Variants in GNAS-AS1 observed in about 807,000 individuals in gnomAD.
The protein encoded by GNAS-AS1 is GNAS antisense RNA 1 (non-protein coding).
chr20:58,837,971 A>T (rs2085618006), intron 4 of GNAS-AS1, among the ~76,000 whole-genome samples: 1 of 152,210 alleles, frequency 6.6e-6, no homozygotes, highest in African/African-American at 2.4e-5. Context: ...TTCAGACACC[A>T]GGCAGAAGTA....
exon 1 of GNAS-AS1, chr20:58,850,618 C>T: frequency 2.5e-6 from 1 of 399,150 alleles, no homozygotes. Context: ...TCCTTGGGGT[C>T]CTGGCCCTCT....
At chr20:58,844,605 A>G (rs2085870964) in intron 2 of GNAS-AS1, among the ~76,000 whole-genome samples, 1 of 152,106 alleles carries the variant, frequency 6.6e-6, no homozygotes, top group Non-Finnish European at 1.5e-5. Context: ...AGATGATCCT[A>G]TTTATCCCTT....
intron 4 of GNAS-AS1, chr20:58,825,987 C>A (rs923222584): frequency 5.0e-6 from 2 of 398,274 alleles, no homozygotes; most frequent in Non-Finnish European, 8.9e-6. Flanking sequence ...TCTGAGAGTG[C>A]GCCATTCTCT....
At chr20:58,837,295 G>C (rs963949483) in intron 4 of GNAS-AS1, among the ~76,000 whole-genome samples, 2 of 152,106 alleles carry the variant, frequency 1.3e-5, no homozygotes. Context: ...CTCTGGAAAC[G>C]TGCCCCATTA....
chr20:58,842,179 G>A (rs1157780880), exon 4 of GNAS-AS1: 15 of 398,536 alleles, frequency 3.8e-5, no homozygotes, highest in African/African-American at 1.4e-4. Context: ...ATCTGGTAAC[G>A]CACCTTCGGA....
intron 4 of GNAS-AS1, among the ~76,000 whole-genome samples, chr20:58,822,476 G>A (rs2085493206): frequency 6.6e-6 from 1 of 152,188 alleles, no homozygotes. Flanking sequence ...TAGACCAGGA[G>A]AAGTCAAATG....
At chr20:58,838,569 AC>A (rs2085628063) in intron 4 of GNAS-AS1, among the ~76,000 whole-genome samples, 2 of 151,938 alleles carry the variant, frequency 1.3e-5, no homozygotes, top group South Asian at 4.2e-4. Flanking sequence ...CACCTAAAAC[AC>A]AGCTTGGCAC....
chr20:58,848,264 C>T (rs931434503), intron 2 of GNAS-AS1, among the ~76,000 whole-genome samples: 4 of 152,158 alleles, frequency 2.6e-5, no homozygotes, highest in Non-Finnish European at 5.9e-5. Flanking sequence ...CCTGTCCTCC[C>T]CTACTTGACA....
intron 4 of GNAS-AS1, chr20:58,839,740 C>T (rs929666005): frequency 6.2e-5 from 32 of 513,514 alleles, no homozygotes; most frequent in African/African-American, 3.9e-4. Flanking sequence ...CCCGTCCCTC[C>T]TCGCCTCAGT....
At chr20:58,821,437 C>T (rs74498962) in intron 4 of GNAS-AS1, among the ~76,000 whole-genome samples, 3,059 of 152,324 alleles carry the variant, frequency 0.02, 110 homozygotes, top group African/African-American at 0.071. Flanking sequence ...CCGGACTCCA[C>T]GATTTTCCTG....
intron 2 of GNAS-AS1, among the ~76,000 whole-genome samples, chr20:58,847,978 T>C (rs1364584011): frequency 1.3e-5 from 2 of 152,196 alleles, no homozygotes; most frequent in Non-Finnish European, 2.9e-5. Context: ...ACGTGCGGCT[T>C]CCAAGGAACG....
At chr20:58,833,826 TA>T (rs1383838576) in intron 4 of GNAS-AS1, 4 of 152,236 alleles carry the variant, frequency 2.6e-5, no homozygotes, top group Non-Finnish European at 5.9e-5. Flanking sequence ...GAATTCTCTT[TA>T]ACGCAAAGCA....
intron 4 of GNAS-AS1, among the ~76,000 whole-genome samples, chr20:58,823,864 C>T (rs1276036181): frequency 2.0e-5 from 3 of 152,344 alleles, no homozygotes; most frequent in Non-Finnish European, 2.9e-5. Context: ...CTCCCCTAAC[C>T]GCGCCATCAG....
chr20:58,842,459 A>G, exon 3 of GNAS-AS1: 1 of 398,658 alleles, frequency 2.5e-6, no homozygotes, highest in Non-Finnish European at 4.4e-6. Context: ...TCCAGGACCT[A>G]TTCCGTAGGA....
exon 5 of GNAS-AS1, chr20:58,819,105 AC>A: frequency 2.5e-6 from 1 of 398,586 alleles, no homozygotes; most frequent in Non-Finnish European, 4.4e-6. Context: ...TGCTTATCAA[AC>A]CTTTCTTTCA....
exon 4 of GNAS-AS1, chr20:58,842,216 C>T: frequency 2.5e-6 from 1 of 398,482 alleles, no homozygotes; most frequent in Non-Finnish European, 4.4e-6. Context: ...CCTCGCCAGT[C>T]CTGGGGGGAA....
intron 4 of GNAS-AS1, among the ~76,000 whole-genome samples, chr20:58,820,426 G>A (rs2085478346): frequency 6.6e-6 from 1 of 152,204 alleles, no homozygotes; most frequent in African/African-American, 2.4e-5. Context: ...CTCCAAGGGT[G>A]CCCCACCTAA....
At chr20:58,830,235 AATC>A (rs1385506346) in intron 4 of GNAS-AS1, among the ~76,000 whole-genome samples, 3 of 91,386 alleles carry the variant, frequency 3.3e-5, no homozygotes, top group African/African-American at 1.4e-4. Context: ...CCATCACCAC[AATC>A]ACCACCACCA....
chr20:58,819,092 CT>C (rs1163820900), exon 5 of GNAS-AS1: 1 of 398,564 alleles, frequency 2.5e-6, no homozygotes, highest in Non-Finnish European at 4.4e-6. Flanking sequence ...ACCAAACTCT[CT>C]TTGCTTATCA....
Sources: gnomAD v4.1 joint callset for allele counts (sites outside exome capture counted in the v4.1 genomes callset) on GRCh38, gnomAD v4.1.1 for gene constraint, MANE v1.5 for transcripts, NCBI Gene and HGNC (gene_info 2026-07-23, HGNC 2026-07-21) for gene names.